Variants in DYNC1H1 observed in about 807,000 individuals in gnomAD.
The protein encoded by DYNC1H1 is dynein cytoplasmic 1 heavy chain 1.
DYNC1H1 carries 51 observed loss-of-function variants against 527.1 expected under a neutral mutation model. That is an observed-to-expected ratio of 0.10 (90% CI 0.08 to 0.12). The LOEUF (loss-of-function observed/expected upper bound fraction) is 0.12, where lower values mean the gene tolerates loss of function less well. DYNC1H1 is among the 10% of genes least tolerant of loss of function. The pLI, the probability that DYNC1H1 is intolerant of heterozygous loss-of-function variation, is 1.00. For missense variants in DYNC1H1, 2,771 were observed against 5,971.8 expected, an observed-to-expected ratio of 0.46 and a Z score of 17.66; for synonymous variants, 2,189 against 2,278.8, an observed-to-expected ratio of 0.96 and a Z score of 1.12.
Position 102,011,739 on chromosome 14 carries a change from G to GA in DYNC1H1, c.6619-135dup. On this transcript the variant is annotated intron_variant, in intron 32 of 77. Coordinates refer to ENST00000360184, the MANE Select transcript of DYNC1H1 (RefSeq NM_001376.5). The surrounding 1 kb of genome is among the most constrained non-coding windows in gnomAD (Gnocchi z 5.3). ...TGCATTCCAGTCTGGGTGACAGAGA[G>GA]AGACTCCGTTTCAGGAAAAAAAAAA... 1 of 890,988 alleles carries GA rather than the reference G, an allele frequency of 1.1e-6. No homozygotes were observed. Among genetic ancestry groups the GA allele is most frequent in the Non-Finnish European group, 1.8e-6 (1 of 562,562 alleles). The allele number at this position is 890,988 out of a possible 1,614,324, so 55.2% of individuals were successfully genotyped here. A position where few individuals can be genotyped will look rare whatever the true frequency, so the allele number is the denominator to read the frequency against.
rs1244109843 is a variant in DYNC1H1, at chr14:102,018,409, C to A, written c.8178-42C>A. The stretch of plus-strand genomic sequence containing the variant: ...TGGCACACTGCCCCTTCCTGGGAGG[C>A]GCTGTCAGGGAGGGGCGCTGAGCGG... On this transcript the variant is annotated intron_variant, in intron 40 of 77. Transcript: ENST00000360184. The surrounding 1 kb of genome is among the most constrained non-coding windows in gnomAD (Gnocchi z 5.2). 6.2e-7 allele frequency: 1 copy of A among 1,605,300 alleles called. No homozygotes were observed. The highest frequency in any genetic ancestry group is 1.7e-5 in the Admixed American group (1 of 59,430).
Position 102,012,231 on chromosome 14 carries a change from T to G in DYNC1H1, c.6858-83T>G. 6.2e-7 allele frequency: 1 copy of G among 1,613,140 alleles called. No homozygotes were observed. Among genetic ancestry groups the G allele is most frequent in the Admixed American group, 1.7e-5 (1 of 60,026 alleles). ...CAAAGTCTGAGCAAATTAAAGGTCATTTCAGAAACCATCATCGGTAAACAT... is the reference window on the plus strand; with the variant it reads ...CAAAGTCTGAGCAAATTAAAGGTCAGTTCAGAAACCATCATCGGTAAACAT... On this transcript the variant is annotated intron_variant, in intron 33 of 77. Transcript: ENST00000360184. The surrounding 1 kb of genome is among the most constrained non-coding windows in gnomAD (Gnocchi z 4.9).
intron 69 of DYNC1H1, chr14:102,043,283 CAAAAAA>C: frequency 3.4e-5 from 4 of 116,838 alleles, no homozygotes; most frequent in East Asian, 5.0e-4. Context: ...GACCCCGTCT[CAAAAAA>C]AAAAAAAAAA....
rs914590932 is a variant in DYNC1H1 at position 102,052,636 on chromosome 14, C to T, written c.*2073C>T. 4 of 152,256 alleles carry T rather than the reference C, an allele frequency of 2.6e-5. No homozygotes were observed. Among genetic ancestry groups the T allele is most frequent in the African/African-American group, 7.2e-5 (3 of 41,426 alleles). 9.4% of individuals were successfully genotyped at this position (152,256 alleles called of 1,614,324 possible). A position where few individuals can be genotyped will look rare whatever the true frequency, so the allele number is the denominator to read the frequency against. On this transcript the variant is annotated 3_prime_UTR_variant, in exon 78 of 78. Coordinates refer to ENST00000360184, the MANE Select transcript of DYNC1H1 (RefSeq NM_001376.5). ...GATTCTGGGCCCCTTTTCTCTCTCC[C>T]AAACCTAGGTGGTGGCCATGCCCCT... is the stretch of plus-strand genomic sequence containing the variant.
intron 28 of DYNC1H1, among the ~76,000 whole-genome samples, chr14:102,007,933 T>C (rs2048215729): frequency 6.6e-6 from 1 of 152,212 alleles, no homozygotes; most frequent in South Asian, 2.1e-4. Context: ...AGGCCTTTCC[T>C]CGGGATACAT....
chr14:101,973,853 G>T (rs1424279337), intron 1 of DYNC1H1, among the ~76,000 whole-genome samples: 1 of 152,144 alleles, frequency 6.6e-6, no homozygotes, highest in Non-Finnish European at 1.5e-5. Context: ...GAAGGAGCAA[G>T]ATTTTTAAAA....
intron 55 of DYNC1H1, 54 bp downstream of exon 55, chr14:102,034,242 G>C (rs188711106): frequency 3.7e-6 from 6 of 1,614,114 alleles, no homozygotes; most frequent in Non-Finnish European, 5.1e-6. Flanking sequence ...AGGCAAGCTG[G>C]TGTTTAGTGC....
chr14:102,040,994 A>G (rs558489687), intron 64 of DYNC1H1: 8 of 439,828 alleles, frequency 1.8e-5, no homozygotes, highest in South Asian at 1.1e-4. Flanking sequence ...TAAGTATTTC[A>G]ATGTTAAAAC....
At chr14:101,989,125 G>T (rs1282306899) in intron 10 of DYNC1H1, among the ~76,000 whole-genome samples, 1 of 152,196 alleles carries the variant, frequency 6.6e-6, no homozygotes, top group African/African-American at 2.4e-5. Context: ...TGGAGGATAT[G>T]TGGAAACTCC....
intron 51 of DYNC1H1, chr14:102,030,841 A>C: frequency 6.0e-6 from 1 of 165,490 alleles, no homozygotes; most frequent in Non-Finnish European, 1.3e-5. Context: ...GGTGGCTCGC[A>C]CTAATCCCAG....
rs745463328 is a variant in DYNC1H1 at position 102,027,252 on chromosome 14, C to T, written c.8850C>T (p.Val2950=). The T allele has an allele frequency of 7.4e-6, 12 of 1,614,020 alleles. No homozygotes were observed. In the Admixed American group the frequency reaches 1.0e-4, roughly 13 times the overall value. The change falls in exon 45 of 78, where the codon GTC becomes GTT. Residue 2950 remains valine, a synonymous_variant. Coordinates refer to ENST00000360184, the MANE Select transcript of DYNC1H1 (RefSeq NM_001376.5). The surrounding 1 kb of genome is among the most constrained non-coding windows in gnomAD (Gnocchi z 7.7). ...GAAAAACTACCCTGTCTCGTTTCGT[C>T]GCCTGGATGAACGGTTTGAGTGTGT... The part of the protein sequence containing the change: ...GAGKTTLSRF[V]AWMNGLSVYQ...
At position 102,027,896 on chromosome 14, in the gene DYNC1H1, T is replaced by G. The variant is rs764842258; in HGVS notation, c.9264-41T>G. ...CGGTGTCCTTCCAAGGGACAAAGCC[T>G]GCCCCTCATAGCTGTCCTGAAACAT... On this transcript the variant is annotated intron_variant, in intron 47 of 77. Coordinates refer to ENST00000360184, the MANE Select transcript of DYNC1H1 (RefSeq NM_001376.5). This position sits in a 1 kb window ranked among gnomAD's most constrained non-coding sequence, Gnocchi z 7.7. 3.1e-6 allele frequency: 5 copies of G among 1,614,108 alleles called. No homozygotes were observed. The African/African-American group carries it at 5.3e-5, about 17-fold the overall frequency.
chr14:102,026,574 G>A lies in DYNC1H1; in HGVS notation c.8638G>A (p.Asp2880Asn), dbSNP rs1388106443. The A allele has an allele frequency of 6.2e-7, 1 of 1,613,382 alleles. No individual in the cohort carries two copies. Among genetic ancestry groups the A allele is most frequent in the African/African-American group, 1.3e-5 (1 of 74,904 alleles). Reference sequence around the variant, plus strand: ...TTGGGTATTACCTTTTTTTCTATAGGATTACATCCCAGTAGACCAAGAAGA... The same window carrying A: ...TTGGGTATTACCTTTTTTTCTATAGAATTACATCCCAGTAGACCAAGAAGA... ...PILYSNWLSK[D>N]YIPVDQEELR... The change falls in exon 44 of 78, where the codon GAT (aspartate) becomes AAT (asparagine). Residue 2880 changes from aspartate to asparagine, a missense_variant and splice_region_variant. By Grantham distance (23) the Asp-to-Asn change is conservative (BLOSUM62 1). Coordinates refer to ENST00000360184, the MANE Select transcript of DYNC1H1 (RefSeq NM_001376.5).
chr14:102,007,708 A>G (rs2048213032), intron 28 of DYNC1H1, among the ~76,000 whole-genome samples: 1 of 152,190 alleles, frequency 6.6e-6, no homozygotes, highest in Non-Finnish European at 1.5e-5. Flanking sequence ...TGTCAGAGTC[A>G]GGGTTTGAGC....
chr14:102,017,209 A>T lies in DYNC1H1; in HGVS notation c.7970A>T (p.Lys2657Met). 1 of 1,614,258 alleles carries T rather than the reference A, an allele frequency of 6.2e-7. No homozygotes were observed. The highest frequency in any genetic ancestry group is 8.5e-7 in the Non-Finnish European group (1 of 1,180,048). ...GVVLAPVQLG[K>M]WLVLFCDEIN... ...GTTTTGGCTCCTGTTCAACTTGGAA[A>T]GTGGCTGGTGTTGTTCTGTGATGAA... The change falls in exon 39 of 78, where the codon AAG becomes ATG. Residue 2657 changes from lysine to methionine, a missense_variant. This residue lies in a region of DYNC1H1 where 163 missense variants were observed against 346.9 expected (regional missense o/e 0.47). Transcript: ENST00000360184. The surrounding 1 kb of genome is among the most constrained non-coding windows in gnomAD (Gnocchi z 4.6).
rs1429270628 is a variant in DYNC1H1 at position 102,053,259 on chromosome 14, G to C, written c.*2696G>C. ...GGATTCAAGCGATTCTCCTGCCTCA[G>C]CCTCCTGAGTAGCTGGGACTACAGG... On this transcript the variant is annotated 3_prime_UTR_variant, in exon 78 of 78. Coordinates refer to ENST00000360184, the MANE Select transcript of DYNC1H1 (RefSeq NM_001376.5). 6.7e-6 allele frequency: 1 copy of C among 150,176 alleles called. No homozygotes were observed. The highest frequency in any genetic ancestry group is 1.5e-5 in the Non-Finnish European group (1 of 67,746). The allele number at this position is 150,176 out of a possible 1,614,324, so 9.3% of individuals were successfully genotyped here.
rs1721050884 is a variant in DYNC1H1 at position 102,038,395 on chromosome 14, T to G, written c.10909-65T>G. ...GCTTATCCAGAGTAGGACAGCAACA[T>G]AGCATTTGGGTGAAGATAAAGTTAC... On this transcript the variant is annotated intron_variant, in intron 57 of 77. Coordinates refer to ENST00000360184, the MANE Select transcript of DYNC1H1 (RefSeq NM_001376.5). The surrounding 1 kb of genome is among the most constrained non-coding windows in gnomAD (Gnocchi z 7.2). 6.2e-7 allele frequency: 1 copy of G among 1,603,720 alleles called. No individual in the cohort carries two copies. The highest frequency in any genetic ancestry group is 8.5e-7 in the Non-Finnish European group (1 of 1,177,856).
rs1169712336 is a variant in DYNC1H1, at chr14:102,038,314, C to CCACA, written c.10909-143_10909-140dup. On this transcript the variant is annotated intron_variant, in intron 57 of 77. Transcript: ENST00000360184. This position sits in a 1 kb window ranked among gnomAD's most constrained non-coding sequence, Gnocchi z 7.2. ...TTTTAGTTCATTTAAATGTAAGTAG[C>CCACA]CACACATAGCTAGTGGCCACCACAC... The CCACA allele has an allele frequency of 4.6e-6, 6 of 1,313,824 alleles. No individual in the cohort carries two copies. The East Asian group carries it at 1.5e-4, about 33-fold the overall frequency. The allele number at this position is 1,313,824 out of a possible 1,614,324, so 81.4% of individuals were successfully genotyped here.
Position 102,016,763 on chromosome 14 carries a change from T to C in DYNC1H1, c.7615-3T>C. The C allele has an allele frequency of 6.2e-7, 1 of 1,613,426 alleles. No homozygotes were observed. Among genetic ancestry groups the C allele is most frequent in the Non-Finnish European group, 8.5e-7 (1 of 1,179,848 alleles). On this transcript the variant is annotated splice_region_variant and splice_polypyrimidine_tract_variant and intron_variant, in intron 37 of 77. Coordinates refer to ENST00000360184, the MANE Select transcript of DYNC1H1 (RefSeq NM_001376.5). The surrounding 1 kb of genome is among the most constrained non-coding windows in gnomAD (Gnocchi z 7.3). ...GGACTCACACTTCCATCTCCGTGTG[T>C]AGGTGTCCATCAGCGGAGAATGGTC...
Sources: allele counts gnomAD v4.1 joint callset (sites outside exome capture counted in the v4.1 genomes callset), GRCh38; gene constraint gnomAD v4.1.1; regional missense constraint gnomAD v4.1.1; non-coding constraint Gnocchi (gnomAD v3.1); transcripts MANE v1.5; gene names NCBI Gene and HGNC (gene_info 2026-07-23, HGNC 2026-07-21).